Variants in RGS7BP observed in about 807,000 individuals in gnomAD.
The protein encoded by RGS7BP is regulator of G protein signaling 7 binding protein.
In RGS7BP, 9 loss-of-function variants were observed where a neutral mutation model predicts 31.3. The ratio of observed to expected loss-of-function variants is 0.29; its 90% confidence interval spans 0.17 to 0.50. The LOEUF (loss-of-function observed/expected upper bound fraction) is 0.50, where lower values mean the gene tolerates loss of function less well. Ranked by LOEUF, RGS7BP falls within the 20% of genes least tolerant of loss-of-function variation. The pLI is 0.98. For synonymous variants in RGS7BP, 115 were observed against 120.1 expected (o/e 0.96, Z 0.28); for missense variants, 274 against 322.0 (o/e 0.85, Z 1.14).
At chr5:64,575,717 G>T (rs1331767649) in intron 2 of RGS7BP, 57 bp from the exon 3 acceptor site, 2 of 1,551,092 alleles carry the variant, frequency 1.3e-6, no homozygotes, top group African/African-American at 1.4e-5. Context: ...TGAGACAAAT[G>T]GCTGATGAGT....
intron 2 of RGS7BP, among the ~76,000 whole-genome samples, chr5:64,519,776 C>T (rs2111896037): frequency 6.6e-6 from 1 of 152,222 alleles, no homozygotes; most frequent in Non-Finnish European, 1.5e-5. Flanking sequence ...TAACGTTTAC[C>T]TACAACCTGG....
At chr5:64,552,419 C>T (rs573212703) in intron 2 of RGS7BP, among the ~76,000 whole-genome samples, 2 of 152,214 alleles carry the variant, frequency 1.3e-5, no homozygotes, top group South Asian at 4.1e-4. Flanking sequence ...AATTATTTAA[C>T]TTATGAAGTA....
At chr5:64,537,108 G>A (rs1741394973) in intron 2 of RGS7BP, among the ~76,000 whole-genome samples, 1 of 152,112 alleles carries the variant, frequency 6.6e-6, no homozygotes, top group Admixed American at 6.6e-5. Flanking sequence ...TAATGAGTAT[G>A]GTTCTTGCCA....
At chr5:64,573,802 A>G (rs1392058339) in intron 2 of RGS7BP, 1 of 151,670 alleles carries the variant, frequency 6.6e-6, no homozygotes. Flanking sequence ...GAATGTTCTC[A>G]CCACAAATAA....
intron 2 of RGS7BP, among the ~76,000 whole-genome samples, chr5:64,568,288 A>G (rs1340225890): frequency 6.6e-6 from 1 of 152,050 alleles, no homozygotes; most frequent in Non-Finnish European, 1.5e-5. Context: ...TCTGAGAATC[A>G]CAAGACCTTA....
rs187546234 is a variant in RGS7BP at position 64,590,111 on chromosome 5, T to A, written c.464-4599T>A. On this transcript the variant is annotated intron_variant, in intron 3 of 5. Coordinates refer to ENST00000334025, the MANE Select transcript of RGS7BP (RefSeq NM_001029875.3). ...CATATTTAATCAAAGTTAAAAAAAA[T>A]TGGTGCATCCCTAGGTATAGATAAA... Among the ~76,000 whole-genome samples the A allele has an allele frequency of 6.8e-4, 104 of 152,010 alleles. No individual in the cohort carries two copies. The East Asian group carries it at 0.019, about 28-fold the overall frequency.
intron 2 of RGS7BP, among the ~76,000 whole-genome samples, chr5:64,523,097 T>C (rs1054550641): frequency 6.6e-6 from 1 of 152,060 alleles, no homozygotes; most frequent in Non-Finnish European, 1.5e-5. Context: ...AGGAATGTAG[T>C]TGAAGGAAAA....
At chr5:64,507,618 G>A in intron 1 of RGS7BP, 93 bp from the exon 2 acceptor site, 1 of 1,156,304 alleles carries the variant, frequency 8.6e-7, no homozygotes, top group Non-Finnish European at 1.2e-6. Context: ...CTGACTCAGG[G>A]GTCAGTGAAA....
At chr5:64,548,914 T>A (rs1231622949) in intron 2 of RGS7BP, among the ~76,000 whole-genome samples, 4 of 150,040 alleles carry the variant, frequency 2.7e-5, no homozygotes, top group African/African-American at 7.4e-5. Context: ...CTAAATACCA[T>A]CACATTGTGG....
chr5:64,609,377 T>C lies in RGS7BP; in HGVS notation c.*125T>C. Reference sequence around the variant, plus strand: ...TGTTTTCTATGCTTCCTTATTACTTTTATCTGCCTCCCCCTGCCCTTTTAA... The same window carrying C: ...TGTTTTCTATGCTTCCTTATTACTTCTATCTGCCTCCCCCTGCCCTTTTAA... On this transcript the variant is annotated 3_prime_UTR_variant, in exon 6 of 6. Transcript: ENST00000334025. 1 of 649,162 alleles carries C rather than the reference T, an allele frequency of 1.5e-6. No individual in the cohort carries two copies. The highest frequency in any genetic ancestry group is 1.8e-5 in the South Asian group (1 of 56,828). The allele number at this position is 649,162 out of a possible 1,614,324, so 40.2% of individuals were successfully genotyped here. A position where few individuals can be genotyped will look rare whatever the true frequency, so the allele number is the denominator to read the frequency against.
chr5:64,596,082 T>A (rs993233402), intron 4 of RGS7BP, among the ~76,000 whole-genome samples: 1 of 152,218 alleles, frequency 6.6e-6, no homozygotes, highest in African/African-American at 2.4e-5. Context: ...TGAAATGCCA[T>A]ATCAGGGCAT....
At chr5:64,549,154 T>C (rs1392185278) in intron 2 of RGS7BP, among the ~76,000 whole-genome samples, 1 of 152,208 alleles carries the variant, frequency 6.6e-6, no homozygotes, top group Non-Finnish European at 1.5e-5. Context: ...TAATTCATCC[T>C]GAGGCAGAAT....
intron 3 of RGS7BP, among the ~76,000 whole-genome samples, chr5:64,590,399 G>A (rs927044825): frequency 6.6e-6 from 1 of 152,152 alleles, no homozygotes; most frequent in African/African-American, 2.4e-5. Flanking sequence ...AGAAAAAGTG[G>A]TATACAAAGA....
intron 5 of RGS7BP, among the ~76,000 whole-genome samples, 155 bp from the exon 6 acceptor site, chr5:64,609,006 G>C (rs1561353735): frequency 6.6e-6 from 1 of 151,990 alleles, no homozygotes; most frequent in African/African-American, 2.4e-5. Flanking sequence ...GCTCAGGACA[G>C]TACCCCACAA....
rs1368275210 is a variant in RGS7BP at position 64,525,442 on chromosome 5, T to C, written c.332+17565T>C. 3.3e-5 allele frequency among the ~76,000 whole-genome samples: 5 copies of C among 152,210 alleles called. No individual in the cohort carries two copies. In the East Asian group the frequency reaches 9.6e-4, roughly 29 times the overall value. On this transcript the variant is annotated intron_variant, in intron 2 of 5. Transcript: ENST00000334025. The stretch of plus-strand genomic sequence containing the variant: ...TGCTGTATCCTACTCCTTGATATCT[T>C]GGAGAATGAGAGGCTCCCAAGAGGC...
intron 2 of RGS7BP, among the ~76,000 whole-genome samples, chr5:64,545,511 A>G (rs1032600192): frequency 6.6e-6 from 1 of 152,220 alleles, no homozygotes; most frequent in African/African-American, 2.4e-5. Flanking sequence ...TGCATCTTAG[A>G]AAGTTTACTC....
At chr5:64,608,744 G>C (rs1030874232) in intron 5 of RGS7BP, among the ~76,000 whole-genome samples, 2 of 151,998 alleles carry the variant, frequency 1.3e-5, no homozygotes, top group African/African-American at 4.8e-5. Flanking sequence ...GCAGAGGCAG[G>C]TTTAGAAAAG....
chr5:64,519,002 C>T (rs1396526345), intron 2 of RGS7BP, among the ~76,000 whole-genome samples: 1 of 152,216 alleles, frequency 6.6e-6, no homozygotes, highest in Non-Finnish European at 1.5e-5. Flanking sequence ...CATGCAACTT[C>T]CCTGACTGCA....
chr5:64,564,916 C>A (rs1242141783), intron 2 of RGS7BP, among the ~76,000 whole-genome samples: 2 of 152,040 alleles, frequency 1.3e-5, no homozygotes, highest in African/African-American at 4.8e-5. Flanking sequence ...TTGCCATCAT[C>A]TTCTGACATT....
Sources: gnomAD v4.1 joint callset for allele counts (sites outside exome capture counted in the v4.1 genomes callset) on GRCh38, gnomAD v4.1.1 for gene constraint, MANE v1.5 for transcripts, NCBI Gene and HGNC (gene_info 2026-07-23, HGNC 2026-07-21) for gene names.